Variants in SLC12A2 observed in about 807,000 individuals in gnomAD.
SLC12A2 encodes the protein Na-K-2Cl cotransporter 1.
A neutral mutation model predicts 136.3 loss-of-function variants in SLC12A2; 67 were observed. That is an observed-to-expected ratio of 0.49 (90% CI 0.40 to 0.60). The LOEUF (loss-of-function observed/expected upper bound fraction) is 0.60, where lower values mean the gene tolerates loss of function less well. Among genes scored for constraint, SLC12A2 ranks in the 20% least tolerant of loss-of-function variants. The pLI, the probability that SLC12A2 is intolerant of heterozygous loss-of-function variation, is 0.00. For missense variants in SLC12A2, 1,322 were observed against 1,534.7 expected (o/e 0.86, Z 2.32); for synonymous variants, 619 against 562.9 (o/e 1.10, Z -1.41).
In SLC12A2 at chr5:128,147,266, C is replaced by T. The variant is rs952688918; in HGVS notation, c.1774-356C>T. Among the ~76,000 whole-genome samples, 12 of 151,480 alleles carry T rather than the reference C, an allele frequency of 7.9e-5. No homozygotes were observed. The East Asian group carries it at 2.1e-3, about 27-fold the overall frequency. On this transcript the variant is annotated intron_variant, in intron 10 of 26. Transcript: ENST00000262461. ...CAAAAGTCCTTACCTGTTAGAGATA[C>T]GTACTGACATATTTATGTGCTAAAG... is the stretch of plus-strand genomic sequence containing the variant.
intron 5 of SLC12A2, among the ~76,000 whole-genome samples, chr5:128,131,483 G>A (rs1762021280): frequency 6.6e-6 from 1 of 151,556 alleles, no homozygotes; most frequent in African/African-American, 2.4e-5. Flanking sequence ...CACGAGGTCA[G>A]GAGATCGAGA....
intron 15 of SLC12A2, among the ~76,000 whole-genome samples, chr5:128,156,832 C>T (rs936479794): frequency 2.6e-5 from 4 of 152,122 alleles, no homozygotes; most frequent in Non-Finnish European, 5.9e-5. Flanking sequence ...TGTATGGAGG[C>T]AGCACAGCTT....
intron 1 of SLC12A2, among the ~76,000 whole-genome samples, chr5:128,100,427 C>T (rs1433055248): frequency 2.0e-5 from 3 of 152,112 alleles, no homozygotes; most frequent in Non-Finnish European, 2.9e-5. Context: ...AGGAACTGCA[C>T]ATTGGAGCAT....
intron 4 of SLC12A2, among the ~76,000 whole-genome samples, chr5:128,125,378 G>A (rs908151189): frequency 6.6e-6 from 1 of 152,182 alleles, no homozygotes; most frequent in Non-Finnish European, 1.5e-5. Flanking sequence ...TAGGTGGCAA[G>A]GAGGAGTTTG....
At chr5:128,182,997 T>C in intron 24 of SLC12A2, 56 bp downstream of exon 24, 1 of 1,038,570 alleles carries the variant, frequency 9.6e-7, no homozygotes. Context: ...CAGACACAGA[T>C]TCAACTTAAT....
At chr5:128,146,984 T>C (rs1180400381) in intron 10 of SLC12A2, among the ~76,000 whole-genome samples, 1 of 150,766 alleles carries the variant, frequency 6.6e-6, no homozygotes, top group African/African-American at 2.4e-5. Context: ...GAGATCTCCA[T>C]GGGAGAAATG....
chr5:128,112,696 T>C, intron 1 of SLC12A2, 118 bp from the exon 2 acceptor site: 1 of 654,596 alleles, frequency 1.5e-6, no homozygotes, highest in Non-Finnish European at 2.4e-6. Context: ...CCTTGATTCT[T>C]GGAAATCTGT....
At chr5:128,170,790 T>G (rs1356204851) in intron 18 of SLC12A2, 1 of 152,098 alleles carries the variant, frequency 6.6e-6, no homozygotes, top group Non-Finnish European at 1.5e-5. Context: ...ATTTTCTGTG[T>G]GTATAGGATG....
intron 20 of SLC12A2, among the ~76,000 whole-genome samples, chr5:128,175,306 C>T (rs974570744): frequency 2.0e-5 from 3 of 151,958 alleles, no homozygotes; most frequent in African/African-American, 7.2e-5. Context: ...AGTAATGTTG[C>T]TTTTTATTTC....
chr5:128,118,024 TACTC>T (rs1382044432), intron 4 of SLC12A2, among the ~76,000 whole-genome samples: 3 of 152,118 alleles, frequency 2.0e-5, no homozygotes, highest in Non-Finnish European at 2.9e-5. Context: ...GATACCATCT[TACTC>T]CTGCAGGAAT....
chr5:128,103,712 A>T (rs577052680), intron 1 of SLC12A2, among the ~76,000 whole-genome samples: 8 of 152,264 alleles, frequency 5.3e-5, no homozygotes, highest in Non-Finnish European at 7.3e-5. Context: ...AGAAAGAGCC[A>T]GCCATCTTCA....
intron 1 of SLC12A2, among the ~76,000 whole-genome samples, chr5:128,086,676 A>T (rs529946805): frequency 2.6e-5 from 4 of 152,256 alleles, no homozygotes; most frequent in Non-Finnish European, 4.4e-5. Flanking sequence ...CCACTGTTTT[A>T]TTGGCTTAAC....
intron 1 of SLC12A2, among the ~76,000 whole-genome samples, chr5:128,106,185 A>G (rs1760927897): frequency 6.6e-6 from 1 of 152,204 alleles, no homozygotes; most frequent in South Asian, 2.1e-4. Flanking sequence ...CCCATAAAAT[A>G]TTTATGTTGC....
chr5:128,104,620 A>C (rs990575772), intron 1 of SLC12A2, among the ~76,000 whole-genome samples: 29 of 151,366 alleles, frequency 1.9e-4, no homozygotes, highest in African/African-American at 7.1e-4. Flanking sequence ...TGACAGAGCA[A>C]GACTCCATCT....
chr5:128,109,990 C>T (rs953181076), intron 1 of SLC12A2: 5 of 1,054,722 alleles, frequency 4.7e-6, no homozygotes, highest in Non-Finnish European at 7.5e-6. Flanking sequence ...CATTTCCCTA[C>T]TGTGGATCCA....
At chr5:128,111,962 A>T (rs1761164353) in intron 1 of SLC12A2, among the ~76,000 whole-genome samples, 1 of 152,112 alleles carries the variant, frequency 6.6e-6, no homozygotes, top group African/African-American at 2.4e-5. Context: ...TGCTGTTTAG[A>T]TGTGGGTAGA....
chr5:128,185,855 TTTG>T (rs1763850068), intron 26 of SLC12A2, among the ~76,000 whole-genome samples: 1 of 152,110 alleles, frequency 6.6e-6, no homozygotes, highest in Admixed American at 6.5e-5. Context: ...TGAAAAATCT[TTTG>T]TTGAAAGATT....
In SLC12A2 at chr5:128,187,525, A is replaced by G. The variant is rs570560070; in HGVS notation, c.*894A>G. 6.6e-6 allele frequency: 1 copy of G among 152,276 alleles called. No individual in the cohort carries two copies. Among genetic ancestry groups the G allele is most frequent in the East Asian group, 1.9e-4 (1 of 5,188 alleles). 9.4% of individuals were successfully genotyped at this position (152,276 alleles called of 1,614,324 possible). On this transcript the variant is annotated 3_prime_UTR_variant, in exon 27 of 27. Transcript: ENST00000262461. ...AAGAAATGCTAACAGATTTTTCTGG[A>G]GGAAATTTAGACAAAACAATGTCAT... is the stretch of plus-strand genomic sequence containing the variant.
At chr5:128,186,197 C>T (rs920914160) in intron 26 of SLC12A2, among the ~76,000 whole-genome samples, 1 of 152,108 alleles carries the variant, frequency 6.6e-6, no homozygotes, top group Non-Finnish European at 1.5e-5. Flanking sequence ...CAGGCTGTGT[C>T]ATATAGCCTA....
Sources: gnomAD v4.1 joint callset for allele counts (sites outside exome capture counted in the v4.1 genomes callset) on GRCh38, gnomAD v4.1.1 for gene constraint, MANE v1.5 for transcripts, NCBI Gene and HGNC (gene_info 2026-07-23, HGNC 2026-07-21) for gene names.